ACYP2: variants seen among roughly 807,000 people sequenced by gnomAD.
ACYP2 encodes acylphosphatase 2.
ACYP2 carries 12 observed loss-of-function variants against 11.2 expected under a neutral mutation model. The observed-to-expected ratio is 1.08, with a 90% CI of 0.69 to 1.74. The LOEUF is 1.74. Ranked by LOEUF, ACYP2 falls within the 40% of genes most tolerant of loss-of-function variation. The pLI is 0.00. For missense variants in ACYP2, 134 were observed against 101.9 expected (o/e 1.31, Z -1.35); for synonymous variants, 43 against 32.2 (o/e 1.33, Z -1.13).
chr2:53,979,403 C>A (rs1388287417), intron 2 of ACYP2, among the ~76,000 whole-genome samples: 1 of 151,872 alleles, frequency 6.6e-6, no homozygotes, highest in Non-Finnish European at 1.5e-5. Context: ...CCGAGGAGGG[C>A]AGATCAAGAG....
intron 6 of ACYP2, among the ~76,000 whole-genome samples, chr2:54,295,329 T>G (rs1689481878): frequency 1.3e-5 from 2 of 152,222 alleles, no homozygotes; most frequent in Admixed American, 1.3e-4. Context: ...AGAAGGAATA[T>G]AGTCATTGCT....
intron 6 of ACYP2, among the ~76,000 whole-genome samples, chr2:54,244,104 T>G (rs192944925): frequency 1.2e-4 from 18 of 152,180 alleles, no homozygotes; most frequent in African/African-American, 4.1e-4. Context: ...GTATGAGGCA[T>G]GAATTCAACT....
intron 2 of ACYP2, among the ~76,000 whole-genome samples, chr2:53,996,510 G>A (rs1672582239): frequency 6.6e-6 from 1 of 152,008 alleles, no homozygotes; most frequent in African/African-American, 2.4e-5. Flanking sequence ...GGGAGATGAA[G>A]AGCAAAGATT....
rs116178426 is a variant in ACYP2 at position 54,262,736 on chromosome 2, C to G, written c.405-41952C>G. Among the ~76,000 whole-genome samples, 318 of 151,580 alleles carry G rather than the reference C, an allele frequency of 2.1e-3. 3 individuals carry two copies. The highest frequency in any genetic ancestry group is 2.9e-3 in the Non-Finnish European group (199 of 67,888). ...GATTACTTTTTTTTTTTAGAAATAA[C>G]TTTTTATGGATGGCAAACTGTAGTT... On this transcript the variant is annotated intron_variant, in intron 6 of 6. Transcript: ENST00000607452.
chr2:53,987,606 A>G (rs1277712444), intron 2 of ACYP2, among the ~76,000 whole-genome samples: 1 of 152,154 alleles, frequency 6.6e-6, no homozygotes, highest in African/African-American at 2.4e-5. Context: ...TCTCATCAGC[A>G]TTGTAAGAGC....
intron 2 of ACYP2, among the ~76,000 whole-genome samples, chr2:53,981,135 A>C (rs1453137137): frequency 6.6e-6 from 1 of 152,186 alleles, no homozygotes; most frequent in Non-Finnish European, 1.5e-5. Flanking sequence ...CCATTGTGTT[A>C]CAATTGCCTG....
intron 6 of ACYP2, among the ~76,000 whole-genome samples, chr2:54,186,670 T>G (rs1325630017): frequency 6.6e-6 from 1 of 152,016 alleles, no homozygotes; most frequent in Non-Finnish European, 1.5e-5. Flanking sequence ...CCCGTCACCA[T>G]GCCTGGCTAA....
In ACYP2 at chr2:53,977,239, G is replaced by A. The variant is rs542386623; in HGVS notation, c.62+3429G>A. 1.4e-4 allele frequency among the ~76,000 whole-genome samples: 22 copies of A among 152,082 alleles called. No individual in the cohort carries two copies. In the East Asian group the frequency reaches 4.3e-3, roughly 30 times the overall value. ...ATTTTTTATATTTTTAGTAGAGACG[G>A]GGTTTCACATTTAGCCAGGATGGTC... On this transcript the variant is annotated intron_variant, in intron 2 of 6. Transcript: ENST00000607452.
chr2:54,304,813 A>C lies in ACYP2; in HGVS notation c.*11A>C, dbSNP rs1335121943. 4.2e-6 allele frequency: 6 copies of C among 1,436,854 alleles called. No individual in the cohort carries two copies. In the South Asian group the frequency reaches 7.0e-5, roughly 17 times the overall value. The allele number at this position is 1,436,854 out of a possible 1,614,324, so 89.0% of individuals were successfully genotyped here. On this transcript the variant is annotated 3_prime_UTR_variant, in exon 7 of 7. Coordinates refer to ENST00000607452, the MANE Select transcript of ACYP2 (RefSeq NM_001320586.2). ...AGTATTAGATACTAATAGAAGAGAA[A>C]AATTGTAACACACTGAACAATAGAT... is the stretch of plus-strand genomic sequence containing the variant.
intron 4 of ACYP2, among the ~76,000 whole-genome samples, chr2:54,068,666 T>C (rs996415760): frequency 6.6e-6 from 1 of 152,144 alleles, no homozygotes; most frequent in Non-Finnish European, 1.5e-5. Flanking sequence ...AAGTCTCTCT[T>C]TTTGTTTTTG....
chr2:54,070,659 A>C (rs1349306583), intron 4 of ACYP2, among the ~76,000 whole-genome samples: 1 of 152,166 alleles, frequency 6.6e-6, no homozygotes, highest in Non-Finnish European at 1.5e-5. Flanking sequence ...TTACTTTGTA[A>C]GCTATGCTCT....
At chr2:54,177,815 A>T (rs560079473) in intron 6 of ACYP2, among the ~76,000 whole-genome samples, 12 of 151,404 alleles carry the variant, frequency 7.9e-5, no homozygotes, top group African/African-American at 2.9e-4. Context: ...CTGACCTCAG[A>T]TGATTCGCCC....
intron 2 of ACYP2, among the ~76,000 whole-genome samples, chr2:53,981,180 TGCCTAGAAGTGTTACACA>T (rs1273296001): frequency 2.4e-4 from 37 of 152,218 alleles, no homozygotes; most frequent in Admixed American, 2.4e-3. Flanking sequence ...ACAGATTTGT[TGCCTAGAAGTGTTACACA>T]GCCTAGAAGT....
intron 6 of ACYP2, among the ~76,000 whole-genome samples, chr2:54,267,993 T>C (rs1376899918): frequency 1.3e-5 from 2 of 152,240 alleles, no homozygotes; most frequent in Non-Finnish European, 2.9e-5. Context: ...ATGCTCATAC[T>C]ACACTTACCA....
At chr2:54,087,736 T>C (rs557929606) in intron 4 of ACYP2, among the ~76,000 whole-genome samples, 2 of 152,224 alleles carry the variant, frequency 1.3e-5, no homozygotes, top group Admixed American at 6.5e-5. Flanking sequence ...GACATATGGA[T>C]GGGTGAATAA....
At chr2:54,211,366 T>C (rs1453792794) in intron 6 of ACYP2, among the ~76,000 whole-genome samples, 1 of 152,230 alleles carries the variant, frequency 6.6e-6, no homozygotes, top group East Asian at 1.9e-4. Context: ...ACTTAAAGTA[T>C]AGCATTACAG....
chr2:53,980,684 C>G (rs927349301), intron 2 of ACYP2, among the ~76,000 whole-genome samples: 15 of 152,208 alleles, frequency 9.9e-5, no homozygotes, highest in Non-Finnish European at 1.2e-4. Flanking sequence ...TACTCAGTCA[C>G]TGACATAACC....
At chr2:54,034,701 A>G (rs768867710) in intron 2 of ACYP2, among the ~76,000 whole-genome samples, 4 of 152,174 alleles carry the variant, frequency 2.6e-5, no homozygotes, top group Admixed American at 1.3e-4. Context: ...AATCATATCA[A>G]TAGTGTAATG....
At chr2:54,254,092 C>T (rs1687364050) in intron 6 of ACYP2, 1 of 152,208 alleles carries the variant, frequency 6.6e-6, no homozygotes, top group African/African-American at 2.4e-5. Flanking sequence ...CTGAGAAAGC[C>T]TGGTACTTGT....
Sources: gnomAD v4.1 joint callset for allele counts (sites outside exome capture counted in the v4.1 genomes callset) on GRCh38, gnomAD v4.1.1 for gene constraint, MANE v1.5 for transcripts, NCBI Gene and HGNC (gene_info 2026-07-23, HGNC 2026-07-21) for gene names.